CCDC171: variants seen among roughly 807,000 people sequenced by gnomAD.
CCDC171 encodes the protein coiled-coil domain-containing protein 171.
CCDC171 carries 177 observed loss-of-function variants against 168.2 expected under a neutral mutation model. The ratio of observed to expected loss-of-function variants is 1.05; its 90% confidence interval spans 0.93 to 1.19. CCDC171 has a LOEUF of 1.19. Among genes scored for constraint, CCDC171 ranks in the 50% most tolerant of loss-of-function variants. The pLI is 0.00. For synonymous variants in CCDC171, 687 were observed against 540.8 expected, an observed-to-expected ratio of 1.27 and a Z score of -3.75; for missense variants, 1,991 against 1,539.0, an observed-to-expected ratio of 1.29 and a Z score of -4.91.
At chr9:16,107,879 A>C in the CCDC171 span, among the ~76,000 whole-genome samples, 1 of 152,234 alleles carries the variant, frequency 6.6e-6, no homozygotes, top group Non-Finnish European at 1.5e-5. Flanking sequence ...ATTATGAAAG[A>C]ATACATTTCA....
At chr9:15,561,801 A>G (rs1171336075) in intron 1 of CCDC171, among the ~76,000 whole-genome samples, 1 of 152,050 alleles carries the variant, frequency 6.6e-6, no homozygotes, top group Non-Finnish European at 1.5e-5. Context: ...TCAGGGGCTG[A>G]TATCAGCGAG....
rs1374664763 is a variant in CCDC171, at chr9:15,744,358, A to T, written c.2135A>T (p.His712Leu). Residue 712 changes from histidine (H) to leucine (L), a missense_variant, in exon 17 of 26, where the codon CAC (histidine) becomes CTC (leucine). Coordinates refer to ENST00000380701, the MANE Select transcript of CCDC171 (RefSeq NM_173550.4). ...GAACAGTTGGTTCTTGAAAATTCGC[A>T]CTTCAAAAAACTGTTATCACAGACT... ...SHEQLVLENS[H>L]FKKLLSQTQR... 1 of 1,613,974 alleles carries T rather than the reference A, an allele frequency of 6.2e-7. No individual in the cohort carries two copies. Among genetic ancestry groups the T allele is most frequent in the East Asian group, 2.2e-5 (1 of 44,886 alleles).
intron 6 of CCDC171, among the ~76,000 whole-genome samples, chr9:15,601,499 A>C (rs2042848741): frequency 6.6e-6 from 1 of 152,124 alleles, no homozygotes; most frequent in Non-Finnish European, 1.5e-5. Flanking sequence ...TTGTGTAGTT[A>C]ATTAGTTCAT....
chr9:16,069,146 T>C, the CCDC171 span, among the ~76,000 whole-genome samples: 2 of 152,198 alleles, frequency 1.3e-5, no homozygotes, highest in Non-Finnish European at 2.9e-5. Context: ...CACTGGCGAT[T>C]TAGGCCTACA....
chr9:15,943,178 T>G (rs1428865401), intron 25 of CCDC171, among the ~76,000 whole-genome samples: 1 of 152,062 alleles, frequency 6.6e-6, no homozygotes, highest in African/African-American at 2.4e-5. Flanking sequence ...TTATTGTCAC[T>G]GATATATTTA....
the CCDC171 span, among the ~76,000 whole-genome samples, chr9:16,078,229 A>G: frequency 1.3e-5 from 2 of 152,134 alleles, no homozygotes; most frequent in South Asian, 2.1e-4. Flanking sequence ...AAGCTGGGGA[A>G]AAAAATGACC....
At chr9:15,864,391 T>C (rs958094136) in intron 23 of CCDC171, among the ~76,000 whole-genome samples, 3 of 152,114 alleles carry the variant, frequency 2.0e-5, no homozygotes, top group African/African-American at 7.2e-5. Flanking sequence ...ACATGTGCCA[T>C]GTTGGTGTGT....
the CCDC171 span, among the ~76,000 whole-genome samples, chr9:16,089,024 T>C: frequency 2.6e-5 from 4 of 151,856 alleles, no homozygotes; most frequent in African/African-American, 7.3e-5. Context: ...TATAGACCAA[T>C]GGAACAGAAC....
chr9:16,010,796 C>G (rs1832848791), intron 3 of CCDC171, among the ~76,000 whole-genome samples: 1 of 150,470 alleles, frequency 6.6e-6, no homozygotes, highest in African/African-American at 2.4e-5. Flanking sequence ...TGAAAAAAGA[C>G]CAGTTTATAA....
Position 15,563,941 on chromosome 9 carries a change from ACT to A in CCDC171, c.-111-35_-111-34del, listed in dbSNP as rs1391067762. On this transcript the variant is annotated intron_variant, in intron 1 of 25. Transcript: ENST00000380701. ...AAGAAAAATCTCCAATAGTATCAGGACTCAAACTGCTATTGTATCATTTACTA... is the reference window on the plus strand; with the variant it reads ...AAGAAAAATCTCCAATAGTATCAGGACAAACTGCTATTGTATCATTTACTA... 1.1e-5 allele frequency: 7 copies of A among 626,352 alleles called. No homozygotes were observed. The East Asian group carries it at 1.8e-4, about 16-fold the overall frequency. The allele number at this position is 626,352 out of a possible 1,614,324, so 38.8% of individuals were successfully genotyped here.
At chr9:16,093,745 C>T in the CCDC171 span, among the ~76,000 whole-genome samples, 15 of 152,264 alleles carry the variant, frequency 9.9e-5, no homozygotes, top group African/African-American at 3.6e-4. Flanking sequence ...TTGTGAATGA[C>T]AGGACAAGCA....
intron 1 of CCDC171, among the ~76,000 whole-genome samples, chr9:16,050,977 C>G (rs919204143): frequency 6.6e-6 from 1 of 152,148 alleles, no homozygotes; most frequent in Non-Finnish European, 1.5e-5. Context: ...TTCATCTGCT[C>G]ATAACTTTTA....
At chr9:16,029,189 C>G (rs909420191) in intron 6 of CCDC171, among the ~76,000 whole-genome samples, 2 of 152,166 alleles carry the variant, frequency 1.3e-5, no homozygotes, top group African/African-American at 4.8e-5. Flanking sequence ...TTAGAAGGGG[C>G]AACATCTTCT....
chr9:15,583,570 C>T (rs963551980), intron 4 of CCDC171, among the ~76,000 whole-genome samples: 1 of 152,040 alleles, frequency 6.6e-6, no homozygotes, highest in East Asian at 1.9e-4. Flanking sequence ...TAAGTGGGAG[C>T]TAAGCTATGA....
At chr9:15,560,757 A>G (rs1199196351) in intron 1 of CCDC171, among the ~76,000 whole-genome samples, 3 of 152,088 alleles carry the variant, frequency 2.0e-5, no homozygotes, top group African/African-American at 7.2e-5. Context: ...TTCCCAGTCC[A>G]GCTTTGTTCC....
intron 25 of CCDC171, among the ~76,000 whole-genome samples, chr9:15,954,423 C>T (rs536904251): frequency 6.6e-6 from 1 of 152,006 alleles, no homozygotes; most frequent in South Asian, 2.1e-4. Context: ...CTCATGATTT[C>T]TTCTTTGGAC....
chr9:16,082,572 C>G, the CCDC171 span, among the ~76,000 whole-genome samples: 1 of 152,168 alleles, frequency 6.6e-6, no homozygotes, highest in Non-Finnish European at 1.5e-5. Flanking sequence ...AAAGAATAAA[C>G]TTTTCTAGTT....
intron 16 of CCDC171, among the ~76,000 whole-genome samples, chr9:15,733,005 T>G (rs920870797): frequency 6.6e-6 from 1 of 152,146 alleles, no homozygotes; most frequent in African/African-American, 2.4e-5. Flanking sequence ...TTTTAGCCAT[T>G]ATAATAGGTG....
At chr9:15,686,108 T>C (rs2050376613) in intron 10 of CCDC171, among the ~76,000 whole-genome samples, 2 of 152,192 alleles carry the variant, frequency 1.3e-5, no homozygotes, top group Non-Finnish European at 2.9e-5. Context: ...AGAATTATTT[T>C]TGAACTAGGA....
Sources: allele counts gnomAD v4.1 joint callset (sites outside exome capture counted in the v4.1 genomes callset), GRCh38; gene constraint gnomAD v4.1.1; transcripts MANE v1.5; gene names NCBI Gene and HGNC (gene_info 2026-07-23, HGNC 2026-07-21).